The following CHL1 variants were observed in gnomAD, a reference collection of about 807,000 sequenced individuals.
CHL1 encodes the protein cell adhesion molecule L1 like.
A neutral mutation model predicts 141.9 loss-of-function variants in CHL1; 96 were observed. The observed-to-expected ratio is 0.68, with a 90% CI of 0.57 to 0.80. The LOEUF (loss-of-function observed/expected upper bound fraction) is 0.80, where lower values mean the gene tolerates loss of function less well. Among genes scored for constraint, CHL1 ranks in the 30% least tolerant of loss-of-function variants. The pLI is 0.00. For missense variants in CHL1, 1,820 were observed against 1,457.2 expected (o/e 1.25, Z -4.05); for synonymous variants, 613 against 502.2 (o/e 1.22, Z -2.95).
chr3:242,604 TAAATAAAATA>T (rs71619440), intron 1 of CHL1, among the ~76,000 whole-genome samples: 4 of 106,694 alleles, frequency 3.7e-5, no homozygotes, highest in Middle Eastern at 4.3e-3. Flanking sequence ...TCAAAATAAA[TAAATAAAATA>T]AAATAAAATA....
Position 328,945 on chromosome 3 carries a change from A to T in CHL1, c.385+591A>T, listed in dbSNP as rs1441378509. 2.0e-5 allele frequency among the ~76,000 whole-genome samples: 3 copies of T among 152,184 alleles called. No homozygotes were observed. The East Asian group carries it at 5.8e-4, about 29-fold the overall frequency. Reference sequence around the variant, plus strand: ...GGGGCAAAGCAAGTTGCATAGTCCCATCTAACATCAATAGTATGATGCTCA... The same window carrying T: ...GGGGCAAAGCAAGTTGCATAGTCCCTTCTAACATCAATAGTATGATGCTCA... On this transcript the variant is annotated intron_variant, in intron 5 of 27. Transcript: ENST00000256509.
rs931549812 is a variant in CHL1, at chr3:409,029, A to C, written c.*3318A>C. ...CATTTAAAACATAATTGCCAATTGA[A>C]ACCCTAAATATGTTTACATACCATT... On this transcript the variant is annotated 3_prime_UTR_variant, in exon 28 of 28. Transcript: ENST00000256509. 2 of 152,104 alleles carry C rather than the reference A, an allele frequency of 1.3e-5. No individual in the cohort carries two copies. Among genetic ancestry groups the C allele is most frequent in the African/African-American group, 4.8e-5 (2 of 41,442 alleles). 9.4% of individuals were successfully genotyped at this position (152,104 alleles called of 1,614,324 possible). A position where few individuals can be genotyped will look rare whatever the true frequency, so the allele number is the denominator to read the frequency against.
chr3:210,399 T>A (rs1354706762), intron 1 of CHL1, among the ~76,000 whole-genome samples: 2 of 152,206 alleles, frequency 1.3e-5, no homozygotes, highest in African/African-American at 4.8e-5. Context: ...TGGTGGTATC[T>A]CAGAGAGTGG....
chr3:379,553 G>A lies in CHL1; in HGVS notation c.1876+1611G>A, dbSNP rs572599181. Among the ~76,000 whole-genome samples the A allele has an allele frequency of 2.6e-5, 4 of 152,244 alleles. No individual in the cohort carries two copies. The South Asian group carries it at 8.3e-4, about 32-fold the overall frequency. On this transcript the variant is annotated intron_variant, in intron 16 of 27. Coordinates refer to ENST00000256509, the MANE Select transcript of CHL1 (RefSeq NM_006614.4). ...CAGGCTCCGTGCGCTTTGTCCCTAA[G>A]TATTTTGAGCAGTCTCAGCCACCAA...
At chr3:392,568 T>G (rs1708315047) in intron 23 of CHL1, among the ~76,000 whole-genome samples, 2 of 152,184 alleles carry the variant, frequency 1.3e-5, no homozygotes, top group African/African-American at 4.8e-5. Context: ...ATTCGGGGAT[T>G]GACATTATAG....
Position 405,989 on chromosome 3 carries a change from G to C in CHL1, c.*278G>C, listed in dbSNP as rs1709508255. 1.7e-5 allele frequency: 6 copies of C among 348,724 alleles called. No individual in the cohort carries two copies. The South Asian group carries it at 1.8e-4, about 10-fold the overall frequency. The allele number at this position is 348,724 out of a possible 1,614,324, so 21.6% of individuals were successfully genotyped here. ...TAGATACACCTCAACTAAATCCAAAGTCCCCATTCAGTATATTCCATATTT... is the reference window on the plus strand; with the variant it reads ...TAGATACACCTCAACTAAATCCAAACTCCCCATTCAGTATATTCCATATTT... On this transcript the variant is annotated 3_prime_UTR_variant, in exon 28 of 28. Coordinates refer to ENST00000256509, the MANE Select transcript of CHL1 (RefSeq NM_006614.4).
At chr3:244,875 T>C (rs1481425190) in intron 2 of CHL1, among the ~76,000 whole-genome samples, 183 bp downstream of exon 2, 1 of 152,184 alleles carries the variant, frequency 6.6e-6, no homozygotes, top group Non-Finnish European at 1.5e-5. Flanking sequence ...TTTTTGTTTT[T>C]TGAGTTCCAT....
chr3:344,496 T>C, intron 8 of CHL1, 93 bp from the exon 9 acceptor site: 1 of 787,864 alleles, frequency 1.3e-6, no homozygotes, highest in Non-Finnish European at 2.0e-6. Flanking sequence ...CACACTCGTG[T>C]GTCGGATTTT....
At position 342,024 on chromosome 3, in the gene CHL1, A is replaced by G. The variant is rs1328519801; in HGVS notation, c.621A>G (p.Ala207=). ...DSRNDYCCFA[A]FPRLRTIVQK... ...GCAATGACTACTGTTGCTTTGCTGC[A>G]TTTCCAAGATTAAGGACTATTGTAC... is the stretch of plus-strand genomic sequence containing the variant. Residue 207 remains alanine (A), a synonymous_variant, in exon 7 of 28, where the codon GCA becomes GCG. Transcript: ENST00000256509. The G allele has an allele frequency of 1.2e-6, 2 of 1,613,656 alleles. No individual in the cohort carries two copies.
chr3:376,165 G>A (rs953609290), intron 15 of CHL1, among the ~76,000 whole-genome samples: 2 of 152,176 alleles, frequency 1.3e-5, no homozygotes, highest in Non-Finnish European at 2.9e-5. Flanking sequence ...GACCTATGAT[G>A]GGAACATAAT....
At chr3:366,163 A>C (rs779730005) in intron 15 of CHL1, 48 bp downstream of exon 15, 15 of 1,559,040 alleles carry the variant, frequency 9.6e-6, no homozygotes, top group Non-Finnish European at 1.3e-5. Context: ...GGGGTAAACA[A>C]CTTGCATTTG....
intron 24 of CHL1, among the ~76,000 whole-genome samples, chr3:396,821 C>G (rs922391952): frequency 6.6e-6 from 1 of 152,072 alleles, no homozygotes; most frequent in African/African-American, 2.4e-5. Flanking sequence ...AAATTACAAT[C>G]TCTTTTTCTA....
intron 1 of CHL1, among the ~76,000 whole-genome samples, chr3:221,505 T>A (rs75003228): frequency 0.052 from 7,993 of 152,290 alleles, 271 homozygotes; most frequent in Middle Eastern, 0.11. Context: ...TGCTTAGATC[T>A]AAGAGAAATC....
rs1210024717 is a variant in CHL1, at chr3:405,507, A to G, written c.3471A>G (p.Glu1157=). The change falls in exon 28 of 28, where the codon GAA becomes GAG. Residue 1157 remains glutamate (E), a synonymous_variant. Coordinates refer to ENST00000256509, the MANE Select transcript of CHL1 (RefSeq NM_006614.4). ...ETFGEYSDSD[E]KPLKGSLRSL... is the part of the protein sequence containing the mutation. ...GTTTGTTTTCTAGTGACAGTGATGAAAAGCCTCTCAAAGGAAGCCTTCGGT... is the reference window on the plus strand; with the variant it reads ...GTTTGTTTTCTAGTGACAGTGATGAGAAGCCTCTCAAAGGAAGCCTTCGGT... The G allele has an allele frequency of 6.2e-7, 1 of 1,611,758 alleles. No individual in the cohort carries two copies. Among genetic ancestry groups the G allele is most frequent in the Non-Finnish European group, 8.5e-7 (1 of 1,178,262 alleles).
chr3:349,531 G>T lies in CHL1; in HGVS notation c.1021G>T (p.Val341Phe), dbSNP rs778570130. Residue 341 changes from valine (V) to phenylalanine (F), a missense_variant, in exon 10 of 28, where the codon GTT becomes TTT. By Grantham distance (50) the Val-to-Phe change is conservative. Transcript: ENST00000256509. ...FLGTATHDFHVIVEEPPRWTK... is the reference protein window; with the variant it reads ...FLGTATHDFHFIVEEPPRWTK... Reference sequence around the variant, plus strand: ...GGGAACAGCCACTCACGATTTTCACGTTATAGTAGAAGGTACCTTTCCCAT... The same window carrying T: ...GGGAACAGCCACTCACGATTTTCACTTTATAGTAGAAGGTACCTTTCCCAT... 1 of 1,612,962 alleles carries T rather than the reference G, an allele frequency of 6.2e-7. No homozygotes were observed. Among genetic ancestry groups the T allele is most frequent in the Non-Finnish European group, 8.5e-7 (1 of 1,179,584 alleles).
At chr3:397,996 G>A (rs779405566) in intron 24 of CHL1, among the ~76,000 whole-genome samples, 2 of 151,976 alleles carry the variant, frequency 1.3e-5, no homozygotes, top group Non-Finnish European at 2.9e-5. Flanking sequence ...CAGATTTACA[G>A]TACCATTTCA....
chr3:359,539 G>A (rs1704023470), intron 11 of CHL1, among the ~76,000 whole-genome samples: 1 of 152,134 alleles, frequency 6.6e-6, no homozygotes, highest in African/African-American at 2.4e-5. Context: ...CTGACTTCAA[G>A]TGATCCATCT....
chr3:309,748 T>C (rs1699597745), intron 2 of CHL1, among the ~76,000 whole-genome samples: 1 of 152,098 alleles, frequency 6.6e-6, no homozygotes, highest in South Asian at 2.1e-4. Context: ...CTCCTGGCCT[T>C]AGGTGATCCT....
At chr3:322,703 G>C (rs1237276870) in intron 3 of CHL1, among the ~76,000 whole-genome samples, 1 of 143,304 alleles carries the variant, frequency 7.0e-6, no homozygotes, top group Non-Finnish European at 1.5e-5. Context: ...GAATAGCTGG[G>C]TGTGGTGGCT....
Sources: allele counts gnomAD v4.1 joint callset (sites outside exome capture counted in the v4.1 genomes callset), GRCh38; gene constraint gnomAD v4.1.1; transcripts MANE v1.5; gene names NCBI Gene and HGNC (gene_info 2026-07-23, HGNC 2026-07-21).